Variants in URI1 observed in about 807,000 individuals in gnomAD.
URI1 encodes the protein URI1 prefoldin like chaperone.
A neutral mutation model predicts 60.2 loss-of-function variants in URI1; 39 were observed. The observed-to-expected ratio is 0.65, with a 90% CI of 0.50 to 0.85. The LOEUF is 0.85. URI1 is among the 40% of genes least tolerant of loss of function. The probability of loss-of-function intolerance (pLI) is 0.00; values close to 1 mark genes in which losing one functional copy is unlikely to be tolerated. For missense variants in URI1, 691 were observed against 665.9 expected, an observed-to-expected ratio of 1.04 and a Z score of -0.42; for synonymous variants, 251 against 236.8, an observed-to-expected ratio of 1.06 and a Z score of -0.55.
intron 1 of URI1, among the ~76,000 whole-genome samples, chr19:29,936,850 T>C (rs2054977371): frequency 6.6e-6 from 1 of 152,148 alleles, no homozygotes; most frequent in African/African-American, 2.4e-5. Flanking sequence ...CCTTCTTGAT[T>C]CAAGTGATTC....
chr19:29,952,477 A>G (rs1034172325), intron 1 of URI1, among the ~76,000 whole-genome samples: 4 of 152,172 alleles, frequency 2.6e-5, no homozygotes, highest in African/African-American at 9.7e-5. Context: ...ACATTCACTA[A>G]GTTCAGATGC....
At chr19:29,933,940 C>CTTTTTTTTTTTTTTTTTTTTTTTTTTTTT (rs34942474) in intron 1 of URI1, among the ~76,000 whole-genome samples, 1 of 124,708 alleles carries the variant, frequency 8.0e-6, no homozygotes, top group African/African-American at 3.3e-5. Flanking sequence ...CTTTTCTTCC[C>CTTTTTTTTTTTTTTTTTTTTTTTTTTTTT]TTTTTTTTTT....
At chr19:29,964,138 G>T (rs2055359980) in intron 1 of URI1, among the ~76,000 whole-genome samples, 1 of 152,134 alleles carries the variant, frequency 6.6e-6, no homozygotes, top group Admixed American at 6.5e-5. Flanking sequence ...CCTCTTGCCT[G>T]TGCCTCCTGT....
At chr19:29,955,262 C>A (rs2055231012) in intron 1 of URI1, among the ~76,000 whole-genome samples, 1 of 152,004 alleles carries the variant, frequency 6.6e-6, no homozygotes, top group African/African-American at 2.4e-5. Context: ...CCGTGCCCGG[C>A]CTCCTTATCA....
chr19:29,928,339 C>T (rs1253090666), intron 1 of URI1, among the ~76,000 whole-genome samples: 2 of 152,124 alleles, frequency 1.3e-5, no homozygotes, highest in Admixed American at 6.5e-5. Context: ...TTCGGAGCTC[C>T]CAACATGCAT....
intron 8 of URI1, 77 bp from the exon 9 acceptor site, chr19:30,011,017 T>C (rs2056010558): frequency 2.0e-6 from 3 of 1,479,044 alleles, no homozygotes; most frequent in Non-Finnish European, 2.8e-6. Context: ...TTTTTTTAGT[T>C]ATAGAGTTTA....
intron 1 of URI1, chr19:29,956,536 T>G: frequency 6.5e-7 from 1 of 1,543,854 alleles, no homozygotes; most frequent in Non-Finnish European, 8.9e-7. Context: ...TGAAACAAGC[T>G]CAGTGTCATT....
chr19:29,963,002 A>G (rs77638932), intron 1 of URI1, among the ~76,000 whole-genome samples: 2,133 of 152,184 alleles, frequency 0.014, 47 homozygotes, highest in African/African-American at 0.049. Context: ...AAGGCTGTGA[A>G]TCTCCCCTGT....
intron 1 of URI1, chr19:29,970,977 A>G: frequency 3.7e-6 from 2 of 539,410 alleles, no homozygotes; most frequent in South Asian, 5.4e-5. Flanking sequence ...GAAAGCTGTA[A>G]TTTGTTCTGC....
intron 4 of URI1, among the ~76,000 whole-genome samples, chr19:30,000,596 T>A (rs529866654): frequency 1.4e-4 from 21 of 152,008 alleles, no homozygotes. Context: ...ATTATTCTGT[T>A]ACCTCCTGTC....
At chr19:29,939,895 T>C (rs892204275), upstream of URI1, among the ~76,000 whole-genome samples, 2 of 152,082 alleles carry the variant, frequency 1.3e-5, no homozygotes, top group Admixed American at 6.5e-5. Context: ...GGTCCGACAA[T>C]GCTGAATTCT....
In URI1 at chr19:30,009,239, C is replaced by T. The variant is rs113183389; in HGVS notation, c.921C>T (p.Asp307=). 1.3e-6 allele frequency: 2 copies of T among 1,524,426 alleles called. No individual in the cohort carries two copies. Among genetic ancestry groups the T allele is most frequent in the East Asian group, 2.4e-5 (1 of 41,558 alleles). The allele number at this position is 1,524,426 out of a possible 1,614,324, so 94.4% of individuals were successfully genotyped here. A position where few individuals can be genotyped will look rare whatever the true frequency, so the allele number is the denominator to read the frequency against. Residue 307 remains aspartate (D), a synonymous_variant, in exon 8 of 11, where the codon GAC becomes GAT. Transcript: ENST00000392271. ...HSDDDDDDDD[D]DDDDNIDDDD... Reference sequence around the variant, plus strand: ...ATGATGATGATGATGATGATGATGACGACGACGACGACAACATTGACGACG... The same window carrying T: ...ATGATGATGATGATGATGATGATGATGACGACGACGACAACATTGACGACG...
intron 1 of URI1, 127 bp downstream of exon 1, chr19:29,942,791 T>C (rs1220012444): frequency 5.5e-5 from 62 of 1,129,878 alleles, no homozygotes; most frequent in Non-Finnish European, 6.3e-5. Context: ...GGATAAACTT[T>C]TGTCACGTGC....
At chr19:30,000,160 A>T (rs1450112349) in intron 4 of URI1, among the ~76,000 whole-genome samples, 1 of 151,824 alleles carries the variant, frequency 6.6e-6, no homozygotes, top group African/African-American at 2.4e-5. Context: ...GTTCTTGTAC[A>T]GGCTTTTAGT....
intron 1 of URI1, among the ~76,000 whole-genome samples, chr19:29,952,233 G>A (rs971600445): frequency 6.6e-6 from 1 of 152,210 alleles, no homozygotes; most frequent in Non-Finnish European, 1.5e-5. Flanking sequence ...TTTAAACACA[G>A]CAGTTCTCTT....
chr19:29,962,928 T>TA (rs1555739481), intron 1 of URI1, among the ~76,000 whole-genome samples: 1 of 152,230 alleles, frequency 6.6e-6, no homozygotes, highest in Admixed American at 6.5e-5. Flanking sequence ...GATACTCTGT[T>TA]ATCTTTCACT....
chr19:29,943,906 G>C (rs1269541294), intron 1 of URI1, among the ~76,000 whole-genome samples: 1 of 151,538 alleles, frequency 6.6e-6, no homozygotes, highest in Non-Finnish European at 1.5e-5. Context: ...TGTCAAGGTC[G>C]TGGAATTGCT....
chr19:29,959,226 G>A (rs334998), intron 1 of URI1, among the ~76,000 whole-genome samples: 4,108 of 152,198 alleles, frequency 0.027, 191 homozygotes, highest in African/African-American at 0.093. Flanking sequence ...CCAGGCTCAG[G>A]TGATCCTCTC....
rs1170278822 is a variant in URI1 at position 29,942,682 on chromosome 19, G to GCCGCTT, written c.117+23_117+28dup. ...AGGAAAAGGTAACTAGCAGCCCCGC[G>GCCGCTT]CCGCTTCCGCCTCCGCCCGCCGGGC... is the stretch of plus-strand genomic sequence containing the variant. On this transcript the variant is annotated intron_variant, in intron 1 of 10. Coordinates refer to ENST00000392271, the MANE Select transcript of URI1 (RefSeq NM_003796.3). 1.8e-5 allele frequency: 25 copies of GCCGCTT among 1,368,598 alleles called. No individual in the cohort carries two copies. In the East Asian group the frequency reaches 7.2e-4, roughly 39 times the overall value. The allele number at this position is 1,368,598 out of a possible 1,614,324, so 84.8% of individuals were successfully genotyped here. A position where few individuals can be genotyped will look rare whatever the true frequency, so the allele number is the denominator to read the frequency against.
Sources: allele counts gnomAD v4.1 joint callset (sites outside exome capture counted in the v4.1 genomes callset), GRCh38; gene constraint gnomAD v4.1.1; transcripts MANE v1.5; gene names NCBI Gene and HGNC (gene_info 2026-07-23, HGNC 2026-07-21).